Variants in PDE1C observed in about 807,000 individuals in gnomAD.
The protein encoded by PDE1C is dual specificity calcium/calmodulin-dependent 3',5'-cyclic nucleotide phosphodiesterase 1C.
In PDE1C, 62 loss-of-function variants were observed where a neutral mutation model predicts 93.1. The ratio of observed to expected loss-of-function variants is 0.67; its 90% confidence interval spans 0.54 to 0.82. The LOEUF is 0.82. PDE1C is among the 40% of genes least tolerant of loss of function. The pLI, the probability that PDE1C is intolerant of heterozygous loss-of-function variation, is 0.00. For synonymous variants in PDE1C, 325 were observed against 310.1 expected (o/e 1.05, Z -0.50); for missense variants, 742 against 884.6 (o/e 0.84, Z 2.04).
chr7:32,422,212 C>T (rs1785445155), intron 1 of PDE1C, among the ~76,000 whole-genome samples: 1 of 152,188 alleles, frequency 6.6e-6, no homozygotes, highest in Non-Finnish European at 1.5e-5. Context: ...AGCGCAGGGA[C>T]ACACGTTGCA....
the PDE1C span, among the ~76,000 whole-genome samples, chr7:31,681,406 T>G: frequency 6.6e-6 from 1 of 151,962 alleles, no homozygotes; most frequent in African/African-American, 2.4e-5. Context: ...GATGGATGGA[T>G]GGATGGATGA....
chr7:32,289,773 A>T (rs375657685), intron 1 of PDE1C, among the ~76,000 whole-genome samples: 24 of 152,308 alleles, frequency 1.6e-4, no homozygotes, highest in African/African-American at 5.8e-4. Context: ...TTACTAGTCC[A>T]TGCAAGTCCA....
intron 3 of PDE1C, among the ~76,000 whole-genome samples, chr7:32,086,109 T>C (rs1797054876): frequency 6.6e-6 from 1 of 150,694 alleles, no homozygotes; most frequent in South Asian, 2.1e-4. Flanking sequence ...AAAACCCCAC[T>C]GTTTCAGCCC....
the PDE1C span, among the ~76,000 whole-genome samples, chr7:31,624,775 A>T: frequency 6.6e-6 from 1 of 152,072 alleles, no homozygotes; most frequent in East Asian, 1.9e-4. Context: ...GACAAATGGG[A>T]TCTAATTAAA....
chr7:31,620,678 C>A, the PDE1C span, among the ~76,000 whole-genome samples: 1 of 151,518 alleles, frequency 6.6e-6, no homozygotes, highest in Non-Finnish European at 1.5e-5. Context: ...AACAGAAAAA[C>A]TGGAAACTCT....
At chr7:31,787,825 T>A (rs889887613) in intron 16 of PDE1C, 1 of 152,234 alleles carries the variant, frequency 6.6e-6, no homozygotes, top group Non-Finnish European at 1.5e-5. Context: ...CAGTCAGCAC[T>A]GATTTGGAAT....
intron 1 of PDE1C, among the ~76,000 whole-genome samples, chr7:32,060,950 A>C (rs1027425200): frequency 6.6e-6 from 1 of 152,204 alleles, no homozygotes; most frequent in African/African-American, 2.4e-5. Context: ...GGTCATCCTT[A>C]GACAAAAGTC....
chr7:31,704,596 T>G, the PDE1C span, among the ~76,000 whole-genome samples: 1 of 152,232 alleles, frequency 6.6e-6, no homozygotes, highest in Non-Finnish European at 1.5e-5. Flanking sequence ...TATTGTCCAG[T>G]GATTCCTACA....
chr7:31,658,326 C>T, the PDE1C span: 10 of 1,518,968 alleles, frequency 6.6e-6, no homozygotes, highest in African/African-American at 4.2e-5. Context: ...AAGCAAATAA[C>T]TCTGCTAAAG....
At chr7:31,971,696 A>T (rs2129049295) in intron 2 of PDE1C, among the ~76,000 whole-genome samples, 1 of 152,292 alleles carries the variant, frequency 6.6e-6, no homozygotes, top group African/African-American at 2.4e-5. Flanking sequence ...GAACCCAGTC[A>T]TTGGGAAGCA....
chr7:31,688,552 C>T, the PDE1C span, among the ~76,000 whole-genome samples: 1 of 152,108 alleles, frequency 6.6e-6, no homozygotes, highest in Non-Finnish European at 1.5e-5. Flanking sequence ...CACCCAGTTC[C>T]TTCCCCCTTT....
intron 3 of PDE1C, among the ~76,000 whole-genome samples, chr7:32,107,077 C>T (rs1481728433): frequency 6.7e-6 from 1 of 150,284 alleles, no homozygotes; most frequent in Non-Finnish European, 1.5e-5. Flanking sequence ...GTAGAATGGA[C>T]ATGGCCAAGG....
the PDE1C span, among the ~76,000 whole-genome samples, chr7:31,715,077 T>G: frequency 6.6e-6 from 1 of 152,176 alleles, no homozygotes; most frequent in African/African-American, 2.4e-5. Context: ...TCGCTGATAT[T>G]TGAGAACTAA....
intron 1 of PDE1C, among the ~76,000 whole-genome samples, chr7:32,379,554 A>T (rs886884509): frequency 4.6e-5 from 7 of 152,158 alleles, no homozygotes; most frequent in Non-Finnish European, 7.4e-5. Flanking sequence ...AGAATGGATT[A>T]AAAAAAGCAC....
At chr7:32,202,807 C>T (rs544778807) in intron 2 of PDE1C, among the ~76,000 whole-genome samples, 6 of 152,128 alleles carry the variant, frequency 3.9e-5, no homozygotes, top group African/African-American at 7.2e-5. Flanking sequence ...GTGTTGCTTG[C>T]GTGGTTGATT....
chr7:31,792,430 C>T (rs1162684689), intron 16 of PDE1C, among the ~76,000 whole-genome samples: 1 of 151,896 alleles, frequency 6.6e-6, no homozygotes, highest in Non-Finnish European at 1.5e-5. Flanking sequence ...AGGAGGTTTC[C>T]CTCCACCCTT....
intron 2 of PDE1C, among the ~76,000 whole-genome samples, chr7:31,926,579 C>G (rs1314126967): frequency 6.6e-6 from 1 of 152,174 alleles, no homozygotes; most frequent in Non-Finnish European, 1.5e-5. Flanking sequence ...GCATTTCCAG[C>G]TGAGGTACCT....
intron 1 of PDE1C, among the ~76,000 whole-genome samples, chr7:32,333,331 C>T (rs1391049050): frequency 6.6e-6 from 1 of 152,150 alleles, no homozygotes; most frequent in Non-Finnish European, 1.5e-5. Flanking sequence ...GCAAAGGCAT[C>T]GTCACGTCCC....
chr7:31,647,238 T>C, the PDE1C span, among the ~76,000 whole-genome samples: 1 of 152,224 alleles, frequency 6.6e-6, no homozygotes, highest in Non-Finnish European at 1.5e-5. Flanking sequence ...TGAAAACTGT[T>C]CTGAAGAAAA....
Sources: allele counts gnomAD v4.1 joint callset (sites outside exome capture counted in the v4.1 genomes callset), GRCh38; gene constraint gnomAD v4.1.1; transcripts MANE v1.5; gene names NCBI Gene and HGNC (gene_info 2026-07-23, HGNC 2026-07-21).